RNF213: variants seen among roughly 807,000 people sequenced by gnomAD.
RNF213 encodes E3 ubiquitin-protein ligase RNF213.
RNF213 carries 341 observed loss-of-function variants against 514.4 expected under a neutral mutation model. The observed-to-expected ratio is 0.66, with a 90% CI of 0.61 to 0.73. The LOEUF (loss-of-function observed/expected upper bound fraction) is 0.73. Ranked by LOEUF, RNF213 falls within the 30% of genes least tolerant of loss-of-function variation. The probability of loss-of-function intolerance (pLI) is 0.00; values close to 1 mark genes in which losing one functional copy is unlikely to be tolerated. For missense variants in RNF213, 5,767 were observed against 6,615.6 expected, an observed-to-expected ratio of 0.87 and a Z score of 4.45; for synonymous variants, 2,655 against 2,658.2, an observed-to-expected ratio of 1.00 and a Z score of 0.04.
chr17:80,309,193 G>C (rs749511847), intron 14 of RNF213, 22 bp downstream of exon 14: 1 of 1,614,060 alleles, frequency 6.2e-7, no homozygotes, highest in South Asian at 1.1e-5. Context: ...CAACACACAA[G>C]GTATCACACC....
chr17:80,303,644 A>G (rs1315893195), intron 11 of RNF213, among the ~76,000 whole-genome samples: 3 of 150,378 alleles, frequency 2.0e-5, no homozygotes, highest in Admixed American at 2.0e-4. Context: ...GGTCACTGCA[A>G]CCTTCGCCTC....
chr17:80,306,160 G>A, intron 11 of RNF213, 92 bp from the exon 12 acceptor site: 1 of 1,234,538 alleles, frequency 8.1e-7, no homozygotes, highest in East Asian at 2.3e-5. Flanking sequence ...TTGAATTCGG[G>A]ACTGTTTCTG....
chr17:80,270,926 C>T (rs879388908), intron 2 of RNF213, among the ~76,000 whole-genome samples: 4 of 152,156 alleles, frequency 2.6e-5, no homozygotes, highest in Non-Finnish European at 4.4e-5. Context: ...AGTGGTTTCC[C>T]AGCACCACCT....
chr17:80,342,560 T>G (rs1401030372), intron 26 of RNF213, among the ~76,000 whole-genome samples: 2 of 147,612 alleles, frequency 1.4e-5, no homozygotes, highest in Admixed American at 1.4e-4. Flanking sequence ...CTCTCTATTT[T>G]TATATATATA....
chr17:80,311,805 G>A (rs2045583482), intron 14 of RNF213, among the ~76,000 whole-genome samples: 1 of 152,084 alleles, frequency 6.6e-6, no homozygotes, highest in East Asian at 1.9e-4. Flanking sequence ...ACACTTGCAC[G>A]ATGTGCGGGG....
At chr17:80,372,060 A>G in intron 47 of RNF213, 75 bp downstream of exon 47, 5 of 864,114 alleles carry the variant, frequency 5.8e-6, no homozygotes, top group Non-Finnish European at 1.0e-5. Context: ...TACAGAATAT[A>G]ATTTTAGTCA....
At chr17:80,316,292 C>T (rs71389751) in intron 15 of RNF213, 39,031 of 151,940 alleles carry the variant, frequency 0.26, 5,338 homozygotes, top group African/African-American at 0.32. Context: ...TGTGTTTCAA[C>T]CTCCTAGTGT....
chr17:80,333,287 C>G (rs893107256), intron 21 of RNF213, among the ~76,000 whole-genome samples: 68 of 151,342 alleles, frequency 4.5e-4, no homozygotes, highest in African/African-American at 1.6e-3. Context: ...GTCTCGATCT[C>G]CTGACCTCGT....
rs757483398 is a variant in RNF213, at chr17:80,290,472, C to CGT, written c.1113-90_1113-89dup. 226 of 1,433,226 alleles carry CGT rather than the reference C, an allele frequency of 1.6e-4. No homozygotes were observed. The African/African-American group carries it at 2.4e-3, about 15-fold the overall frequency. The allele number at this position is 1,433,226 out of a possible 1,614,324, so 88.8% of individuals were successfully genotyped here. A position where few individuals can be genotyped will look rare whatever the true frequency, so the allele number is the denominator to read the frequency against. ...GTGTGCGAGTGCATGTGTGTGTGCACGTGTGTGTGCGCACGTGTGTGTGTG... is the reference window on the plus strand; with the variant it reads ...GTGTGCGAGTGCATGTGTGTGTGCACGTGTGTGTGTGCGCACGTGTGTGTGTG... On this transcript the variant is annotated intron_variant, in intron 6 of 67. Coordinates refer to ENST00000582970, the MANE Select transcript of RNF213 (RefSeq NM_001256071.3).
chr17:80,277,581 G>A (rs1350803504), intron 3 of RNF213, among the ~76,000 whole-genome samples: 3 of 127,094 alleles, frequency 2.4e-5, no homozygotes, highest in African/African-American at 9.1e-5. Flanking sequence ...CTGGGCGACA[G>A]TGAGACTCTG....
Position 80,288,020 on chromosome 17 carries a change from C to T in RNF213, c.467C>T (p.Thr156Met), listed in dbSNP as rs577975389. The T allele has an allele frequency of 1.1e-4, 174 of 1,595,958 alleles. 3 individuals are homozygous for T. In the South Asian group the frequency reaches 1.6e-3, roughly 15 times the overall value. The change falls in exon 4 of 68, where the codon ACG becomes ATG. Residue 156 changes from threonine (T) to methionine (M), a missense_variant. Physicochemically the swap from Thr to Met is moderately conservative, Grantham distance 81 (BLOSUM62 -1). This residue lies in a region of RNF213 where 509 missense variants were observed against 496.7 expected (regional missense o/e 1.02). Transcript: ENST00000582970. This position sits in a 1 kb window ranked among gnomAD's most constrained non-coding sequence, Gnocchi z 4.9. ...QPSQPPGTATTPLEGDGLSAP... is the reference protein window; with the variant it reads ...QPSQPPGTATMPLEGDGLSAP... ...AGCCAGCCCCCAGGCACAGCCACCA[C>T]GCCACTGGAGGGTGACGGCCTCTCC...
At chr17:80,350,855 A>G (rs903584184) in intron 31 of RNF213, among the ~76,000 whole-genome samples, 1 of 152,246 alleles carries the variant, frequency 6.6e-6, no homozygotes, top group East Asian at 1.9e-4. Context: ...AACAAGCTAT[A>G]AAAGGATGCC....
At chr17:80,388,779 G>T in intron 64 of RNF213, 90 bp downstream of exon 64, 1 of 1,051,050 alleles carries the variant, frequency 9.5e-7, no homozygotes, top group Non-Finnish European at 1.5e-6. Context: ...GCCTTGCCCC[G>T]GGTGTTTGCT....
rs1414471175 is a variant in RNF213 at position 80,324,974 on chromosome 17, CA to C, written c.3025-52del. 3.4e-6 allele frequency: 5 copies of C among 1,492,498 alleles called. No homozygotes were observed. The African/African-American group carries it at 4.2e-5, about 12-fold the overall frequency. The allele number at this position is 1,492,498 out of a possible 1,614,324, so 92.5% of individuals were successfully genotyped here. A position where few individuals can be genotyped will look rare whatever the true frequency, so the allele number is the denominator to read the frequency against. ...AGTAGGTAATTTGCTTTTGTTATTT[CA>C]AAACAAACTAATGAAAAACTTCTAA... On this transcript the variant is annotated intron_variant, in intron 17 of 67. Coordinates refer to ENST00000582970, the MANE Select transcript of RNF213 (RefSeq NM_001256071.3).
intron 17 of RNF213, among the ~76,000 whole-genome samples, chr17:80,324,175 TAAGAG>T (rs1393592845): frequency 2.0e-5 from 3 of 152,244 alleles, no homozygotes; most frequent in African/African-American, 7.2e-5. Context: ...GTTCTGATCT[TAAGAG>T]AAGGTTTCAG....
rs1281782834 is a variant in RNF213 at position 80,263,011 on chromosome 17, C to T, written c.-108-563C>T. Reference sequence around the variant, plus strand: ...AGTCAGGTCCTCCACTGTTAGGTGGCCAAGCGCCCAAACGCCATCTCCACT... The same window carrying T: ...AGTCAGGTCCTCCACTGTTAGGTGGTCAAGCGCCCAAACGCCATCTCCACT... On this transcript the variant is annotated intron_variant, in intron 1 of 67. Transcript: ENST00000582970. This position sits in a 1 kb window ranked among gnomAD's most constrained non-coding sequence, Gnocchi z 4.9. Among the ~76,000 whole-genome samples, 1 of 152,212 alleles carries T rather than the reference C, an allele frequency of 6.6e-6. No individual in the cohort carries two copies. The highest frequency in any genetic ancestry group is 2.4e-5 in the African/African-American group (1 of 41,464).
Position 80,353,376 on chromosome 17 carries a change from TG to T in RNF213, c.10424-132del. The stretch of plus-strand genomic sequence containing the variant: ...ATCTTCATGACCGTGATCTCTCATC[TG>T]GGGACCTAGCACCACAGCAGGGGCC... On this transcript the variant is annotated intron_variant, in intron 33 of 67. Transcript: ENST00000582970. This position sits in a 1 kb window ranked among gnomAD's most constrained non-coding sequence, Gnocchi z 5.0. 9.8e-7 allele frequency: 1 copy of T among 1,020,828 alleles called. No individual in the cohort carries two copies. Among genetic ancestry groups the T allele is most frequent in the African/African-American group, 1.6e-5 (1 of 62,966 alleles). The allele number at this position is 1,020,828 out of a possible 1,614,324, so 63.2% of individuals were successfully genotyped here.
intron 41 of RNF213, among the ~76,000 whole-genome samples, 181 bp from the exon 42 acceptor site, chr17:80,364,252 C>T (rs902890933): frequency 2.6e-5 from 4 of 152,150 alleles, no homozygotes; most frequent in South Asian, 2.1e-4. Context: ...CTAAGCTGAG[C>T]GTCTGAGAGC....
chr17:80,382,145 T>C (rs772888681), intron 57 of RNF213: 6 of 205,042 alleles, frequency 2.9e-5, no homozygotes, highest in Non-Finnish European at 6.1e-5. Context: ...ACCATCACAG[T>C]TGTGTGCTGA....
Sources: allele counts gnomAD v4.1 joint callset (sites outside exome capture counted in the v4.1 genomes callset), GRCh38; gene constraint gnomAD v4.1.1; regional missense constraint gnomAD v4.1.1; non-coding constraint Gnocchi (gnomAD v3.1); transcripts MANE v1.5; gene names NCBI Gene and HGNC (gene_info 2026-07-23, HGNC 2026-07-21).